Variants in SLC25A25 observed in about 807,000 individuals in gnomAD.
The protein encoded by SLC25A25 is solute carrier family 25 member 25.
A neutral mutation model predicts 57.7 loss-of-function variants in SLC25A25; 32 were observed. The observed-to-expected ratio is 0.55, with a 90% CI of 0.42 to 0.74. SLC25A25 has a LOEUF of 0.74. Among genes scored for constraint, SLC25A25 ranks in the 30% least tolerant of loss-of-function variants. The pLI, the probability that SLC25A25 is intolerant of heterozygous loss-of-function variation, is 0.00. For missense variants in SLC25A25, 556 were observed against 701.3 expected (o/e 0.79, Z 2.34); for synonymous variants, 306 against 291.2 (o/e 1.05, Z -0.52).
intron 1 of SLC25A25, among the ~76,000 whole-genome samples, chr9:128,097,705 A>T (rs1004430126): frequency 2.6e-5 from 4 of 152,216 alleles, no homozygotes; most frequent in Non-Finnish European, 5.9e-5. Context: ...TGTGGGTCTC[A>T]TGTGAGGCCT....
chr9:128,085,965 C>G (rs1336287119), intron 1 of SLC25A25, among the ~76,000 whole-genome samples: 1 of 151,694 alleles, frequency 6.6e-6, no homozygotes, highest in Non-Finnish European at 1.5e-5. Flanking sequence ...CTCAGCCTCC[C>G]TAGTAGCAGG....
Position 128,103,629 on chromosome 9 carries a change from G to A in SLC25A25, c.625-52G>A. ...AGAGGGTAGACGGCGACAGGTGCCA[G>A]CAGCCTTGCCCCAAGGGTCCTGAGT... On this transcript the variant is annotated intron_variant, in intron 5 of 10. Transcript: ENST00000373069. This position sits in a 1 kb window ranked among gnomAD's most constrained non-coding sequence, Gnocchi z 6.7. 6.2e-7 allele frequency: 1 copy of A among 1,612,656 alleles called. No individual in the cohort carries two copies. The highest frequency in any genetic ancestry group is 8.5e-7 in the Non-Finnish European group (1 of 1,178,928).
chr9:128,089,543 C>T (rs1833350689), intron 1 of SLC25A25, among the ~76,000 whole-genome samples: 1 of 151,994 alleles, frequency 6.6e-6, no homozygotes. Context: ...TTCTGTTTAT[C>T]TAGTGAGAGG....
chr9:128,101,942 C>G lies in SLC25A25; in HGVS notation c.477-138C>G. On this transcript the variant is annotated intron_variant, in intron 3 of 10. Coordinates refer to ENST00000373069, the MANE Select transcript of SLC25A25 (RefSeq NM_001330988.2). This position sits in a 1 kb window ranked among gnomAD's most constrained non-coding sequence, Gnocchi z 4.9. Reference sequence around the variant, plus strand: ...GGTCCTCGGGGACAGCAGCCCTGGGCTCAGCTGCTGTGGCGGGCTCGTCTC... The same window carrying G: ...GGTCCTCGGGGACAGCAGCCCTGGGGTCAGCTGCTGTGGCGGGCTCGTCTC... The G allele has an allele frequency of 1.0e-6, 1 of 1,000,676 alleles. No individual in the cohort carries two copies. The highest frequency in any genetic ancestry group is 1.5e-6 in the Non-Finnish European group (1 of 659,292). The allele number at this position is 1,000,676 out of a possible 1,614,324, so 62.0% of individuals were successfully genotyped here. A position where few individuals can be genotyped will look rare whatever the true frequency, so the allele number is the denominator to read the frequency against.
In SLC25A25 at chr9:128,099,051, G is replaced by T; in HGVS notation, c.262-2045G>T. ...GGGACCTGGGGGGCAGGCCAGTAGTGCATGGGAGGAGAAGGCAGGGAGGCC... is the reference window on the plus strand; with the variant it reads ...GGGACCTGGGGGGCAGGCCAGTAGTTCATGGGAGGAGAAGGCAGGGAGGCC... On this transcript the variant is annotated intron_variant, in intron 1 of 10. Coordinates refer to ENST00000373069, the MANE Select transcript of SLC25A25 (RefSeq NM_001330988.2). This position sits in a 1 kb window ranked among gnomAD's most constrained non-coding sequence, Gnocchi z 6.8. 1.0e-6 allele frequency: 1 copy of T among 985,468 alleles called. No individual in the cohort carries two copies. Among genetic ancestry groups the T allele is most frequent in the Non-Finnish European group, 1.2e-6 (1 of 829,934 alleles). The allele number at this position is 985,468 out of a possible 1,614,324, so 61.0% of individuals were successfully genotyped here. A position where few individuals can be genotyped will look rare whatever the true frequency, so the allele number is the denominator to read the frequency against.
Position 128,101,122 on chromosome 9 carries a change from C to T in SLC25A25, c.288C>T (p.Asp96=), listed in dbSNP as rs1475584232. 1 of 1,614,212 alleles carries T rather than the reference C, an allele frequency of 6.2e-7. No homozygotes were observed. The highest frequency in any genetic ancestry group is 1.7e-5 in the Admixed American group (1 of 60,030). ...LQKIVQAGDK[D]LDGQLDFEEF... ...AAATTGTACAAGCTGGAGATAAGGA[C>T]CTTGATGGGCAGCTAGACTTTGAAG... is the stretch of plus-strand genomic sequence containing the variant. The change falls in exon 2 of 11, where the codon GAC becomes GAT. Residue 96 remains aspartate (D), a synonymous_variant. Coordinates refer to ENST00000373069, the MANE Select transcript of SLC25A25 (RefSeq NM_001330988.2). This position sits in a 1 kb window ranked among gnomAD's most constrained non-coding sequence, Gnocchi z 4.9.
intron 9 of SLC25A25, 81 bp from the exon 10 acceptor site, chr9:128,106,948 T>C: frequency 6.5e-7 from 1 of 1,530,068 alleles, no homozygotes; most frequent in African/African-American, 1.4e-5. Context: ...TCCAGTGGCC[T>C]GAGGACCCAG....
At position 128,098,811 on chromosome 9, in the gene SLC25A25, C is replaced by A; in HGVS notation, c.262-2285C>A. On this transcript the variant is annotated intron_variant, in intron 1 of 10. Coordinates refer to ENST00000373069, the MANE Select transcript of SLC25A25 (RefSeq NM_001330988.2). ...GGCTGAGCATGCATGAACCATCCCC[C>A]ACTGAGAGGAAAGAATGTCTGAAAT... is the stretch of plus-strand genomic sequence containing the variant. 5.2e-6 allele frequency: 8 copies of A among 1,541,996 alleles called. No individual in the cohort carries two copies. The South Asian group carries it at 9.9e-5, about 19-fold the overall frequency.
chr9:128,106,939 C>A, intron 9 of SLC25A25, 90 bp from the exon 10 acceptor site: 1 of 1,491,034 alleles, frequency 6.7e-7, no homozygotes, highest in East Asian at 2.3e-5. Context: ...CAGTCGGGTT[C>A]CAGTGGCCTG....
chr9:128,086,328 ATTT>A (rs35134996), intron 1 of SLC25A25, among the ~76,000 whole-genome samples: 15 of 95,458 alleles, frequency 1.6e-4, no homozygotes, highest in Non-Finnish European at 1.9e-4. Flanking sequence ...TACTCGGCTA[ATTT>A]TTTTTTTTTT....
rs369405997 is a variant in SLC25A25, at chr9:128,107,267, T to C, written c.1371T>C (p.Ile457=). 3.1e-6 allele frequency: 5 copies of C among 1,603,292 alleles called. No homozygotes were observed. Among genetic ancestry groups the C allele is most frequent in the South Asian group, 2.2e-5 (2 of 90,476 alleles). The change falls in exon 11 of 11, where the codon ATT becomes ATC. Residue 457 remains isoleucine, a synonymous_variant. Transcript: ENST00000373069. ...VRTRMQAQAS[I]EGAPEVTMSS... ...GTGGCCTCCATCCTGCAGCCTCTAT[T>C]GAGGGCGCTCCGGAGGTGACCATGA...
Position 128,101,486 on chromosome 9 carries a change from C to T in SLC25A25, c.476+90C>T. Reference sequence around the variant, plus strand: ...CCTCCGATGCCATTCCCTGGGCTGACCCTGAACTTGGCCTTCTCGTGGTTT... The same window carrying T: ...CCTCCGATGCCATTCCCTGGGCTGATCCTGAACTTGGCCTTCTCGTGGTTT... On this transcript the variant is annotated intron_variant, in intron 3 of 10. Coordinates refer to ENST00000373069, the MANE Select transcript of SLC25A25 (RefSeq NM_001330988.2). The surrounding 1 kb of genome is among the most constrained non-coding windows in gnomAD (Gnocchi z 4.9). 6.9e-7 allele frequency: 1 copy of T among 1,447,384 alleles called. No individual in the cohort carries two copies. The highest frequency in any genetic ancestry group is 2.0e-5 in the Admixed American group (1 of 50,768). 89.7% of individuals were successfully genotyped at this position (1,447,384 alleles called of 1,614,324 possible).
chr9:128,107,322 G>T lies in SLC25A25; in HGVS notation c.1426G>T (p.Glu476Ter). Residue 476 changes from glutamate (E) to a stop codon, truncating the protein, a stop_gained, in exon 11 of 11, where the codon GAG (glutamate) becomes TAG (stop). Transcript: ENST00000373069. LOFTEE classifies it high-confidence loss of function. The stretch of plus-strand genomic sequence containing the variant: ...CCTCTTCAAACATATCCTGCGGACC[G>T]AGGGGGCCTTCGGGCTGTACAGGGG... ...SSLFKHILRT[E>*]GAFGLYRGLA... 6.4e-7 allele frequency: 1 copy of T among 1,551,706 alleles called. No homozygotes were observed. The highest frequency in any genetic ancestry group is 8.7e-7 in the Non-Finnish European group (1 of 1,144,554).
In SLC25A25 at chr9:128,102,094, A is replaced by G; in HGVS notation, c.491A>G (p.His164Arg). The G allele has an allele frequency of 6.4e-7, 1 of 1,550,526 alleles. No individual in the cohort carries two copies. The highest frequency in any genetic ancestry group is 1.2e-5 in the South Asian group (1 of 84,060). ...EKILKRIRTGHFWGPVTYMDK... is the reference protein window; with the variant it reads ...EKILKRIRTGRFWGPVTYMDK... Reference sequence around the variant, plus strand: ...CTGTCTGTCAGAATACGAACGGGCCATTTCTGGGGCCCTGTCACCTAGTAA... The same window carrying G: ...CTGTCTGTCAGAATACGAACGGGCCGTTTCTGGGGCCCTGTCACCTAGTAA... Residue 164 changes from histidine to arginine, a missense_variant, in exon 4 of 11, where the codon CAT (histidine) becomes CGT (arginine). Coordinates refer to ENST00000373069, the MANE Select transcript of SLC25A25 (RefSeq NM_001330988.2). This position sits in a 1 kb window ranked among gnomAD's most constrained non-coding sequence, Gnocchi z 4.1.
chr9:128,105,863 A>T lies in SLC25A25; in HGVS notation c.918A>T (p.Lys306Asn). The T allele has an allele frequency of 6.2e-7, 1 of 1,614,108 alleles. No homozygotes were observed. Among genetic ancestry groups the T allele is most frequent in the Non-Finnish European group, 8.5e-7 (1 of 1,180,026 alleles). ...AAATTGCCCCCGAATCAGCCATCAA[A>T]TTCATGGCCTATGAGCAGGTGAGGA... The part of the protein sequence containing the change: ...VLKIAPESAI[K>N]FMAYEQIKRL... The change falls in exon 7 of 11, where the codon AAA becomes AAT. Residue 306 changes from lysine (K) to asparagine (N), a missense_variant. Physicochemically the swap from Lys to Asn is moderately conservative, Grantham distance 94 (BLOSUM62 0). Coordinates refer to ENST00000373069, the MANE Select transcript of SLC25A25 (RefSeq NM_001330988.2).
Position 128,101,228 on chromosome 9 carries a change from T to A in SLC25A25, c.388+6T>A. On this transcript the variant is annotated splice_donor_region_variant and intron_variant, in intron 2 of 10. Transcript: ENST00000373069. The surrounding 1 kb of genome is among the most constrained non-coding windows in gnomAD (Gnocchi z 4.9). ...TTTGGACAAAAAGAATGATGGTAAG[T>A]GTTGCCTTCAGAGCTGTGGCCGGTC... is the stretch of plus-strand genomic sequence containing the variant. The A allele has an allele frequency of 6.2e-7, 1 of 1,614,258 alleles. No homozygotes were observed. The highest frequency in any genetic ancestry group is 8.5e-7 in the Non-Finnish European group (1 of 1,180,050).
At chr9:128,090,074 C>A (rs1833364426) in intron 1 of SLC25A25, among the ~76,000 whole-genome samples, 1 of 152,154 alleles carries the variant, frequency 6.6e-6, no homozygotes, top group African/African-American at 2.4e-5. Flanking sequence ...CTCAAAGCCC[C>A]AAGTGTCCTC....
intron 1 of SLC25A25, chr9:128,092,180 A>G: frequency 6.7e-7 from 1 of 1,486,178 alleles, no homozygotes; most frequent in Non-Finnish European, 9.1e-7. Context: ...GGAAGGGAGA[A>G]CTCACAACGT....
intron 1 of SLC25A25, among the ~76,000 whole-genome samples, chr9:128,087,166 G>C (rs908276387): frequency 2.0e-5 from 3 of 150,342 alleles, no homozygotes; most frequent in Non-Finnish European, 4.4e-5. Flanking sequence ...AGTGAGCTGG[G>C]ATCGCACCAT....
Sources: allele counts gnomAD v4.1 joint callset (sites outside exome capture counted in the v4.1 genomes callset), GRCh38; gene constraint gnomAD v4.1.1; non-coding constraint Gnocchi (gnomAD v3.1); transcripts MANE v1.5; gene names NCBI Gene and HGNC (gene_info 2026-07-23, HGNC 2026-07-21).